STIM2: variants seen among roughly 807,000 people sequenced by gnomAD.
STIM2 encodes the protein stromal interaction molecule 2.
A neutral mutation model predicts 85.8 loss-of-function variants in STIM2; 31 were observed. The observed-to-expected ratio is 0.36, with a 90% confidence interval of 0.27 to 0.49. The LOEUF (loss-of-function observed/expected upper bound fraction) is 0.49, where lower values mean the gene tolerates loss of function less well. STIM2 is among the 20% of genes least tolerant of loss of function. The pLI, the probability that STIM2 is intolerant of heterozygous loss-of-function variation, is 0.98. For missense variants in STIM2, 841 were observed against 927.6 expected (o/e 0.91, Z 1.21); for synonymous variants, 356 against 331.1 (o/e 1.08, Z -0.82).
At chr4:26,888,810 A>G (rs4692132) in intron 1 of STIM2, among the ~76,000 whole-genome samples, 77,471 of 152,050 alleles carry the variant, frequency 0.51, 19,984 homozygotes, top group East Asian at 0.63. Flanking sequence ...ACAGAGCGTG[A>G]AAGTAATTAC....
chr4:26,905,353 G>A (rs1173534034), intron 1 of STIM2, among the ~76,000 whole-genome samples: 1 of 152,190 alleles, frequency 6.6e-6, no homozygotes, highest in East Asian at 1.9e-4. Context: ...GTTTGTAGGT[G>A]GGTGATGATG....
At chr4:26,910,933 A>G (rs1724310877) in intron 1 of STIM2, among the ~76,000 whole-genome samples, 1 of 152,034 alleles carries the variant, frequency 6.6e-6, no homozygotes, top group African/African-American at 2.4e-5. Context: ...AGTTTGTATG[A>G]TAGTCTGTTT....
At chr4:26,904,135 C>G (rs1007015696) in intron 1 of STIM2, among the ~76,000 whole-genome samples, 1 of 140,570 alleles carries the variant, frequency 7.1e-6, no homozygotes, top group African/African-American at 2.6e-5. Context: ...GTGATGTTCC[C>G]CTTCCTGTGT....
At chr4:26,895,873 T>C (rs958588091) in intron 1 of STIM2, among the ~76,000 whole-genome samples, 5 of 152,258 alleles carry the variant, frequency 3.3e-5, no homozygotes, top group Non-Finnish European at 5.9e-5. Context: ...GTGTTAGTTT[T>C]CTACTGCTGC....
At chr4:26,936,806 T>C (rs1226414181) in intron 2 of STIM2, among the ~76,000 whole-genome samples, 1 of 152,148 alleles carries the variant, frequency 6.6e-6, no homozygotes, top group Non-Finnish European at 1.5e-5. Context: ...CCTTTTTTGT[T>C]TGAGACAGCA....
chr4:26,999,928 T>C (rs1728089108), intron 5 of STIM2, among the ~76,000 whole-genome samples: 1 of 152,330 alleles, frequency 6.6e-6, no homozygotes, highest in East Asian at 1.9e-4. Context: ...TTGTATTTAT[T>C]TACTTTGACA....
intron 1 of STIM2, among the ~76,000 whole-genome samples, chr4:26,917,375 A>G (rs1724622664): frequency 6.6e-6 from 1 of 152,126 alleles, no homozygotes; most frequent in South Asian, 2.1e-4. Context: ...TTTGTTCACC[A>G]TGGTATTTCT....
intron 1 of STIM2, among the ~76,000 whole-genome samples, chr4:26,899,378 A>G (rs1477998846): frequency 6.6e-6 from 1 of 152,118 alleles, no homozygotes; most frequent in African/African-American, 2.4e-5. Flanking sequence ...GGCTGGCTTT[A>G]TAATTTTCGT....
intron 10 of STIM2, among the ~76,000 whole-genome samples, chr4:27,010,827 C>A (rs1179100989): frequency 6.6e-6 from 1 of 152,070 alleles, no homozygotes; most frequent in South Asian, 2.1e-4. Context: ...AAAGAAAAAA[C>A]ACAGAAAATA....
chr4:27,014,120 A>G (rs1313252332), intron 10 of STIM2, among the ~76,000 whole-genome samples: 1 of 151,808 alleles, frequency 6.6e-6, no homozygotes, highest in Non-Finnish European at 1.5e-5. Context: ...TGTGTCCTTT[A>G]TCAGGCTGAC....
intron 1 of STIM2, chr4:26,873,724 T>G (rs1577407480): frequency 3.4e-6 from 3 of 872,546 alleles, no homozygotes; most frequent in East Asian, 5.5e-5. Flanking sequence ...CTGGAGATGC[T>G]GAATTTCTGC....
Position 27,007,074 on chromosome 4 carries a change from C to T in STIM2, c.982-459C>T, listed in dbSNP as rs367905680. On this transcript the variant is annotated intron_variant, in intron 7 of 11. Transcript: ENST00000467087. ...GGAAACATTAGGAGGAGGAGTAGAACGTGTATCCACCCAATTTTGGACATT... is the reference window on the plus strand; with the variant it reads ...GGAAACATTAGGAGGAGGAGTAGAATGTGTATCCACCCAATTTTGGACATT... Among the ~76,000 whole-genome samples the T allele has an allele frequency of 5.5e-4, 84 of 152,280 alleles. 1 individual carries two copies. In the South Asian group the frequency reaches 0.014, roughly 26 times the overall value.
At chr4:26,988,583 C>T (rs1727661724) in intron 3 of STIM2, among the ~76,000 whole-genome samples, 3 of 152,146 alleles carry the variant, frequency 2.0e-5, no homozygotes, top group Admixed American at 6.5e-5. Context: ...CAATGTTTAA[C>T]AACTCTAGAA....
intron 2 of STIM2, among the ~76,000 whole-genome samples, chr4:26,955,229 G>A (rs1286060255): frequency 6.8e-6 from 1 of 147,594 alleles, no homozygotes; most frequent in Non-Finnish European, 1.5e-5. Flanking sequence ...AAATAGTTAA[G>A]TGGCTAGAAT....
chr4:26,873,656 C>G (rs1001487684), intron 1 of STIM2: 2 of 659,596 alleles, frequency 3.0e-6, no homozygotes, highest in Non-Finnish European at 5.5e-6. Flanking sequence ...ATGAGAGAGA[C>G]GCTCATGTCA....
chr4:27,008,850 C>G lies in STIM2; in HGVS notation c.1337C>G (p.Ala446Gly). 6.2e-7 allele frequency: 1 copy of G among 1,614,092 alleles called. No individual in the cohort carries two copies. Among genetic ancestry groups the G allele is most frequent in the Non-Finnish European group, 8.5e-7 (1 of 1,180,024 alleles). ...GAGAAGATCTGTGGCTTTCAGATAG[C>G]CCATAACTCAGGACTCCCCAGCCTG... Residue 446 changes from alanine (A) to glycine (G), a missense_variant, in exon 10 of 12, where the codon GCC becomes GGC. Around this residue, in one of 3 missense-constraint regions of STIM2, gnomAD observed 408 missense variants for 525.4 expected, o/e 0.78. Coordinates refer to ENST00000467087, the MANE Select transcript of STIM2 (RefSeq NM_020860.4).
At chr4:26,931,754 G>A (rs1274327578) in intron 2 of STIM2, among the ~76,000 whole-genome samples, 1 of 152,098 alleles carries the variant, frequency 6.6e-6, no homozygotes, top group Non-Finnish European at 1.5e-5. Context: ...AGTTACTGAG[G>A]TACTTTCCTA....
intron 2 of STIM2, among the ~76,000 whole-genome samples, chr4:26,941,624 T>C (rs1201461437): frequency 6.6e-6 from 1 of 151,986 alleles, no homozygotes; most frequent in Non-Finnish European, 1.5e-5. Context: ...AATTCTTACT[T>C]TCTCCCCTTA....
At chr4:26,948,851 C>T (rs1434486559) in intron 2 of STIM2, among the ~76,000 whole-genome samples, 1 of 151,658 alleles carries the variant, frequency 6.6e-6, no homozygotes, top group Non-Finnish European at 1.5e-5. Context: ...TATTGGGTAA[C>T]AAAGGGCTAG....
Sources: allele counts gnomAD v4.1 joint callset (sites outside exome capture counted in the v4.1 genomes callset), GRCh38; gene constraint gnomAD v4.1.1; regional missense constraint gnomAD v4.1.1; transcripts MANE v1.5; gene names NCBI Gene and HGNC (gene_info 2026-07-23, HGNC 2026-07-21).